Variants in NKAIN3 observed in about 807,000 individuals in gnomAD.
NKAIN3 encodes sodium/potassium-transporting ATPase subunit beta-1-interacting protein 3.
NKAIN3 carries 25 observed loss-of-function variants against 30.2 expected under a neutral mutation model. The ratio of observed to expected loss-of-function variants is 0.83; its 90% CI spans 0.60 to 1.16. The LOEUF is 1.16. Among genes scored for constraint, NKAIN3 ranks in the 50% most tolerant of loss-of-function variants. The pLI is 0.00. For synonymous variants in NKAIN3, 91 were observed against 89.6 expected (o/e 1.02, Z -0.09); for missense variants, 225 against 254.1 (o/e 0.89, Z 0.78).
intron 3 of NKAIN3, among the ~76,000 whole-genome samples, chr8:62,629,270 T>G (rs1263298155): frequency 6.6e-6 from 1 of 152,146 alleles, no homozygotes; most frequent in African/African-American, 2.4e-5. Flanking sequence ...TTTGCATGAT[T>G]TTTTTATATT....
chr8:62,261,837 C>G (rs960885944), intron 1 of NKAIN3, among the ~76,000 whole-genome samples: 5 of 152,130 alleles, frequency 3.3e-5, no homozygotes, highest in African/African-American at 1.2e-4. Flanking sequence ...TCCATTGTAT[C>G]ATTCTTATTT....
At chr8:62,445,185 C>G (rs1805443369) in intron 1 of NKAIN3, among the ~76,000 whole-genome samples, 1 of 152,048 alleles carries the variant, frequency 6.6e-6, no homozygotes, top group Admixed American at 6.6e-5. Flanking sequence ...ACCTTGTGAT[C>G]CGCGCACCTC....
At chr8:62,641,108 G>A (rs779343796) in intron 3 of NKAIN3, among the ~76,000 whole-genome samples, 3 of 151,594 alleles carry the variant, frequency 2.0e-5, no homozygotes, top group Non-Finnish European at 4.4e-5. Context: ...TTGGTTCTTG[G>A]GTTCATGGAT....
chr8:62,902,691 T>C (rs1300946801), intron 4 of NKAIN3, among the ~76,000 whole-genome samples: 1 of 152,214 alleles, frequency 6.6e-6, no homozygotes, highest in African/African-American at 2.4e-5. Flanking sequence ...AAATATTAGA[T>C]GGAACTTTTC....
At chr8:62,522,457 C>G (rs1808187264) in intron 1 of NKAIN3, among the ~76,000 whole-genome samples, 1 of 151,940 alleles carries the variant, frequency 6.6e-6, no homozygotes, top group Admixed American at 6.6e-5. Context: ...GAGTGTACTT[C>G]TCTAATTATT....
intron 4 of NKAIN3, among the ~76,000 whole-genome samples, chr8:62,885,671 C>G (rs1355522536): frequency 6.6e-6 from 1 of 152,144 alleles, no homozygotes; most frequent in Non-Finnish European, 1.5e-5. Context: ...TTTCCTTAGG[C>G]CCATACACAT....
Position 62,286,652 on chromosome 8 carries a change from A to G in NKAIN3, c.54+37525A>G, listed in dbSNP as rs1042730473. Among the ~76,000 whole-genome samples the G allele has an allele frequency of 2.6e-5, 4 of 152,226 alleles. No individual in the cohort carries two copies. The East Asian group carries it at 7.7e-4, about 29-fold the overall frequency. On this transcript the variant is annotated intron_variant, in intron 1 of 6. Transcript: ENST00000623646. ...CCTTAACAATTGTCTGTACCATGGC[A>G]AGTCACTGCTACTGATTAAATAAAG...
intron 1 of NKAIN3, among the ~76,000 whole-genome samples, chr8:62,263,130 A>G (rs16928616): frequency 0.033 from 5,061 of 152,260 alleles, 309 homozygotes; most frequent in African/African-American, 0.12. Context: ...GGACCACATC[A>G]AGGCTAAAAA....
chr8:62,737,863 G>A (rs1181567008), intron 3 of NKAIN3, among the ~76,000 whole-genome samples: 2 of 152,106 alleles, frequency 1.3e-5, no homozygotes, highest in Admixed American at 6.6e-5. Context: ...TGATCTGCTG[G>A]TATGAGCTTC....
At chr8:62,992,730 T>C (rs1824347333) in intron 5 of NKAIN3, among the ~76,000 whole-genome samples, 1 of 150,802 alleles carries the variant, frequency 6.6e-6, no homozygotes, top group Non-Finnish European at 1.5e-5. Flanking sequence ...GTTTATACAC[T>C]CAGAAGTATA....
At chr8:62,303,354 T>A (rs1323644484) in intron 1 of NKAIN3, among the ~76,000 whole-genome samples, 1 of 150,502 alleles carries the variant, frequency 6.6e-6, no homozygotes, top group Non-Finnish European at 1.5e-5. Flanking sequence ...TCTAGTCCAC[T>A]CATTTCCTAT....
intron 5 of NKAIN3, among the ~76,000 whole-genome samples, chr8:62,925,389 A>G (rs906911409): frequency 6.6e-6 from 1 of 152,204 alleles, no homozygotes; most frequent in Non-Finnish European, 1.5e-5. Flanking sequence ...AAAAAAAATG[A>G]TTAATTCATA....
At chr8:62,527,995 T>C (rs2129819913) in intron 1 of NKAIN3, among the ~76,000 whole-genome samples, 1 of 151,290 alleles carries the variant, frequency 6.6e-6, no homozygotes, top group African/African-American at 2.4e-5. Context: ...AATTATTTAG[T>C]TCTTTCTTGT....
At chr8:62,999,363 C>T (rs1189735741) in exon 6 of NKAIN3, 1 of 152,152 alleles carries the variant, frequency 6.6e-6, no homozygotes, top group Non-Finnish European at 1.5e-5. Context: ...AGACGTCATG[C>T]TCTTTTAAGC....
At chr8:62,712,625 A>G (rs1814759817) in intron 3 of NKAIN3, among the ~76,000 whole-genome samples, 1 of 152,090 alleles carries the variant, frequency 6.6e-6, no homozygotes, top group Admixed American at 6.6e-5. Context: ...GTTTCCAGGC[A>G]GAGGGCTTGA....
intron 5 of NKAIN3, among the ~76,000 whole-genome samples, chr8:62,933,357 A>G (rs528962817): frequency 2.5e-4 from 38 of 152,362 alleles, no homozygotes; most frequent in African/African-American, 7.7e-4. Flanking sequence ...AGAGACTTCA[A>G]TGCCAGCAAG....
At chr8:62,603,082 G>A (rs558893234) in intron 3 of NKAIN3, among the ~76,000 whole-genome samples, 65 of 152,170 alleles carry the variant, frequency 4.3e-4, no homozygotes, top group African/African-American at 1.4e-3. Flanking sequence ...TCATGCAGTC[G>A]ATTGAAGATA....
At chr8:62,359,860 A>G (rs1444192091) in intron 1 of NKAIN3, among the ~76,000 whole-genome samples, 1 of 152,194 alleles carries the variant, frequency 6.6e-6, no homozygotes, top group Non-Finnish European at 1.5e-5. Context: ...CTTGTGTAAA[A>G]AGTAGATGGA....
intron 1 of NKAIN3, among the ~76,000 whole-genome samples, chr8:62,496,008 A>C (rs1219018729): frequency 1.3e-5 from 2 of 152,282 alleles, no homozygotes; most frequent in East Asian, 3.9e-4. Flanking sequence ...AATTTTGACT[A>C]CAGTAAATGT....
Sources: gnomAD v4.1 joint callset for allele counts (sites outside exome capture counted in the v4.1 genomes callset) on GRCh38, gnomAD v4.1.1 for gene constraint, MANE v1.5 for transcripts, NCBI Gene and HGNC (gene_info 2026-07-23, HGNC 2026-07-21) for gene names.